TMEM132C: variants seen among roughly 807,000 people sequenced by gnomAD.
TMEM132C encodes the protein protein phosphatase 1, regulatory subunit 152.
A neutral mutation model predicts 61.4 loss-of-function variants in TMEM132C; 29 were observed. That is an observed-to-expected ratio of 0.47 (90% CI 0.35 to 0.64). The LOEUF is 0.64. Among genes scored for constraint, TMEM132C ranks in the 30% least tolerant of loss-of-function variants. The probability of loss-of-function intolerance (pLI) is 0.00; values close to 1 mark genes in which losing one functional copy is unlikely to be tolerated. For missense variants in TMEM132C, 1,408 were observed against 1,476.9 expected (o/e 0.95, Z 0.76); for synonymous variants, 656 against 633.1 (o/e 1.04, Z -0.54).
At chr12:128,584,226 G>A (rs1010840691) in intron 3 of TMEM132C, among the ~76,000 whole-genome samples, 1 of 152,160 alleles carries the variant, frequency 6.6e-6, no homozygotes, top group Non-Finnish European at 1.5e-5. Context: ...ACCTTTGTTG[G>A]CCTCTACAGG....
intron 1 of TMEM132C, among the ~76,000 whole-genome samples, chr12:128,361,671 T>G (rs1248232059): frequency 2.0e-5 from 3 of 152,164 alleles, no homozygotes; most frequent in Non-Finnish European, 4.4e-5. Context: ...TTGATTTTTT[T>G]TTTTTTTAAT....
Position 128,305,897 on chromosome 12 carries a change from G to T in TMEM132C, c.85+38410G>T, listed in dbSNP as rs528052129. On this transcript the variant is annotated intron_variant, in intron 1 of 8. Transcript: ENST00000435159. ...TGCCTAGAACTGACGGTAGCCTGGT[G>T]ATATTTACAATTACAAATGGATTCT... 2.0e-5 allele frequency among the ~76,000 whole-genome samples: 3 copies of T among 152,210 alleles called. 1 individual carries two copies. The highest frequency in any genetic ancestry group is 4.1e-4 in the South Asian group (2 of 4,826).
rs112773913 is a variant in TMEM132C, at chr12:128,394,881, G to A, written c.86-19851G>A. Among the ~76,000 whole-genome samples, 594 of 140,216 alleles carry A rather than the reference G, an allele frequency of 4.2e-3. 7 individuals carry two copies. The highest frequency in any genetic ancestry group is 0.015 in the African/African-American group (556 of 37,034). 92.0% of individuals were successfully genotyped at this position (140,216 alleles called of 152,430 possible). On this transcript the variant is annotated intron_variant, in intron 1 of 8. Coordinates refer to ENST00000435159, the MANE Select transcript of TMEM132C (RefSeq NM_001136103.3). ...GCAGCATGTTAATTGCACAGCTAATGTGTGAGTACACTCTCCCTTATTTTC... is the reference window on the plus strand; with the variant it reads ...GCAGCATGTTAATTGCACAGCTAATATGTGAGTACACTCTCCCTTATTTTC...
chr12:128,656,605 C>T (rs1341462266), intron 4 of TMEM132C, among the ~76,000 whole-genome samples: 1 of 152,118 alleles, frequency 6.6e-6, no homozygotes, highest in Non-Finnish European at 1.5e-5. Context: ...GTAAATGTGC[C>T]CCACCAACCT....
Position 128,440,684 on chromosome 12 carries a change from G to C in TMEM132C, c.974+25064G>C, listed in dbSNP as rs79766932. The stretch of plus-strand genomic sequence containing the variant: ...GCTAGCAGCAAAGGAGTCTGGGAAA[G>C]TGAGTTTCTAGCTTCTGTCTTGTGA... On this transcript the variant is annotated intron_variant, in intron 2 of 8. Coordinates refer to ENST00000435159, the MANE Select transcript of TMEM132C (RefSeq NM_001136103.3). 7.5e-3 allele frequency among the ~76,000 whole-genome samples: 1,143 copies of C among 152,344 alleles called. 7 individuals carry two copies. Among genetic ancestry groups the C allele is most frequent in the African/African-American group, 0.026 (1,070 of 41,570 alleles).
At chr12:128,669,270 C>A in intron 4 of TMEM132C, 147 bp from the exon 5 acceptor site, 1 of 806,908 alleles carries the variant, frequency 1.2e-6, no homozygotes, top group Non-Finnish European at 1.8e-6. Context: ...TATTCCAAGT[C>A]CTGGTACAGT....
At position 128,267,257 on chromosome 12, in the gene TMEM132C, G is replaced by A; in HGVS notation, c.-146G>A. On this transcript the variant is annotated 5_prime_UTR_variant, in exon 1 of 9. Coordinates refer to ENST00000435159, the MANE Select transcript of TMEM132C (RefSeq NM_001136103.3). ...GAGCTGCGGCGGCGTGGACCCGGCA[G>A]GGGCGGGCCTCGGACAGCAGAGACG... The A allele has an allele frequency of 3.2e-6, 1 of 314,932 alleles. No homozygotes were observed. Among genetic ancestry groups the A allele is most frequent in the South Asian group, 1.1e-4 (1 of 8,908 alleles). The allele number at this position is 314,932 out of a possible 1,614,324, so 19.5% of individuals were successfully genotyped here.
intron 2 of TMEM132C, among the ~76,000 whole-genome samples, chr12:128,510,932 C>T (rs140547409): frequency 8.5e-5 from 13 of 152,312 alleles, no homozygotes; most frequent in East Asian, 7.7e-4. Flanking sequence ...GCTCACCCAC[C>T]GATGTCCACG....
intron 1 of TMEM132C, among the ~76,000 whole-genome samples, chr12:128,325,869 C>T (rs541752021): frequency 3.9e-5 from 6 of 151,996 alleles, no homozygotes; most frequent in Non-Finnish European, 5.9e-5. Flanking sequence ...CATCGCAGTG[C>T]GGTTGTTGGA....
At chr12:128,357,383 G>A (rs1363077509) in intron 1 of TMEM132C, among the ~76,000 whole-genome samples, 2 of 152,146 alleles carry the variant, frequency 1.3e-5, no homozygotes, top group South Asian at 2.1e-4. Flanking sequence ...CTGTTCGAAT[G>A]CAGTCAGATT....
At chr12:128,286,047 A>C (rs1334901956) in intron 1 of TMEM132C, among the ~76,000 whole-genome samples, 2,783 of 15,054 alleles carry the variant, frequency 0.18, no homozygotes, top group Admixed American at 0.24. Flanking sequence ...CCCCACCTCT[A>C]TCCCTCTCTC....
chr12:128,393,384 C>CATAAAA (rs1874834267), intron 1 of TMEM132C, among the ~76,000 whole-genome samples: 1 of 152,154 alleles, frequency 6.6e-6, no homozygotes, highest in Non-Finnish European at 1.5e-5. Flanking sequence ...ACTCTCCTTC[C>CATAAAA]TAGAACTCTT....
intron 1 of TMEM132C, among the ~76,000 whole-genome samples, chr12:128,312,538 G>C (rs940970458): frequency 6.6e-6 from 1 of 152,188 alleles, no homozygotes; most frequent in African/African-American, 2.4e-5. Flanking sequence ...TCTTTTACGG[G>C]AAGGGAGAGG....
chr12:128,681,236 T>G (rs1954631930), intron 5 of TMEM132C, among the ~76,000 whole-genome samples: 1 of 152,154 alleles, frequency 6.6e-6, no homozygotes, highest in African/African-American at 2.4e-5. Flanking sequence ...CACCTTGGCC[T>G]CCCAAAGTGC....
At chr12:128,507,395 T>C (rs1872403632) in intron 2 of TMEM132C, among the ~76,000 whole-genome samples, 1 of 133,402 alleles carries the variant, frequency 7.5e-6, no homozygotes, top group South Asian at 2.2e-4. Flanking sequence ...TTTTTTTTTT[T>C]TTCTTTCTTT....
intron 2 of TMEM132C, among the ~76,000 whole-genome samples, chr12:128,428,460 C>T (rs1869271910): frequency 6.6e-6 from 1 of 152,116 alleles, no homozygotes. Context: ...AATAAATGTC[C>T]TCAGATTGAG....
At chr12:128,620,549 C>CA (rs1291464270) in intron 4 of TMEM132C, among the ~76,000 whole-genome samples, 9 of 151,994 alleles carry the variant, frequency 5.9e-5, no homozygotes, top group Non-Finnish European at 1.2e-4. Context: ...TAAAACAAAA[C>CA]AAAAAACAAA....
At chr12:128,332,109 A>T (rs903561661) in intron 1 of TMEM132C, among the ~76,000 whole-genome samples, 3 of 152,194 alleles carry the variant, frequency 2.0e-5, no homozygotes, top group African/African-American at 7.2e-5. Context: ...TTCTTGGGTG[A>T]TGGGCATGTA....
intron 1 of TMEM132C, among the ~76,000 whole-genome samples, chr12:128,343,931 A>G (rs1382705107): frequency 6.6e-6 from 1 of 152,210 alleles, no homozygotes; most frequent in African/African-American, 2.4e-5. Flanking sequence ...AATTAATTTC[A>G]TTTAGCGTGA....
Sources: allele counts gnomAD v4.1 joint callset (sites outside exome capture counted in the v4.1 genomes callset), GRCh38; gene constraint gnomAD v4.1.1; transcripts MANE v1.5; gene names NCBI Gene and HGNC (gene_info 2026-07-23, HGNC 2026-07-21).